Variants in EDEM3 observed in about 807,000 individuals in gnomAD.
EDEM3 encodes ER degradation enhancing alpha-mannosidase like protein 3, also known as ER degradation-enhancing alpha-mannosidase-like protein 3.
EDEM3 carries 60 observed loss-of-function variants against 110.2 expected under a neutral mutation model. That is an observed-to-expected ratio of 0.54 (90% CI 0.44 to 0.67). The LOEUF is 0.67. Ranked by LOEUF, EDEM3 falls within the 30% of genes least tolerant of loss-of-function variation. The pLI, the probability that EDEM3 is intolerant of heterozygous loss-of-function variation, is 0.00. For synonymous variants in EDEM3, 352 were observed against 382.9 expected, an observed-to-expected ratio of 0.92 and a Z score of 0.94; for missense variants, 996 against 1,121.0, an observed-to-expected ratio of 0.89 and a Z score of 1.59.
At chr1:184,748,828 C>T (rs149240232) in intron 2 of EDEM3, among the ~76,000 whole-genome samples, 12 of 152,062 alleles carry the variant, frequency 7.9e-5, no homozygotes, top group Admixed American at 5.2e-4. Context: ...ACATTTTATA[C>T]GTTGTAATCA....
rs1650257798 is a variant in EDEM3 at position 184,711,855 on chromosome 1, T to TCCA, written c.1556_1558dup (p.Leu519_Asp520insVal). 1 of 1,612,454 alleles carries TCCA rather than the reference T, an allele frequency of 6.2e-7. No individual in the cohort carries two copies. Among genetic ancestry groups the TCCA allele is most frequent in the African/African-American group, 1.3e-5 (1 of 74,848 alleles). The stretch of plus-strand genomic sequence containing the variant: ...ACAAGTCCAATCGAAGTTACTGTCA[T>TCCA]CCAGTTCTGTATATTCCGAGGTCTA... On this transcript the variant is annotated inframe_insertion, in exon 15 of 20. Coordinates refer to ENST00000318130, the MANE Select transcript of EDEM3 (RefSeq NM_025191.4).
rs1333075379 is a variant in EDEM3, at chr1:184,706,818, A to G, written c.2038-10T>C. The G allele has an allele frequency of 3.7e-6, 6 of 1,612,090 alleles. No homozygotes were observed. The highest frequency in any genetic ancestry group is 5.1e-6 in the Non-Finnish European group (6 of 1,178,912). ...CAACAAATCCTCTTGTCTGTCAGAAATAAAAGCAACTTAAATACTTTAATC... is the reference window on the plus strand; with the variant it reads ...CAACAAATCCTCTTGTCTGTCAGAAGTAAAAGCAACTTAAATACTTTAATC... On this transcript the variant is annotated splice_polypyrimidine_tract_variant and intron_variant, in intron 17 of 19. Coordinates refer to ENST00000318130, the MANE Select transcript of EDEM3 (RefSeq NM_025191.4).
chr1:184,708,397 T>G (rs1650050584), intron 16 of EDEM3, 53 bp from the exon 17 acceptor site: 2 of 1,591,118 alleles, frequency 1.3e-6, no homozygotes, highest in Non-Finnish European at 1.7e-6. Flanking sequence ...CTTCCACCAA[T>G]TTTTTGATTT....
At chr1:184,715,507 A>G (rs956760216) in intron 13 of EDEM3, among the ~76,000 whole-genome samples, 1 of 152,180 alleles carries the variant, frequency 6.6e-6, no homozygotes, top group African/African-American at 2.4e-5. Flanking sequence ...TGGCTGGCAT[A>G]CAGTAGGTGT....
Position 184,721,321 on chromosome 1 carries a change from C to G in EDEM3, c.919G>C (p.Gly307Arg). The G allele has an allele frequency of 1.2e-6, 2 of 1,605,126 alleles. No individual in the cohort carries two copies. Among genetic ancestry groups the G allele is most frequent in the Non-Finnish European group, 1.7e-6 (2 of 1,176,664 alleles). Residue 307 changes from glycine to arginine, a missense_variant, in exon 9 of 20, where the codon GGA becomes CGA. Physicochemically the swap from Gly to Arg is moderately radical, Grantham distance 125 (BLOSUM62 -2). This residue lies in a region of EDEM3 where 310 missense variants were observed against 394.6 expected (regional missense o/e 0.79). Coordinates refer to ENST00000318130, the MANE Select transcript of EDEM3 (RefSeq NM_025191.4). ...AATCTTTCCAGAAAACTGTCATCTC[C>G]AAGCAAGACATAGGCTTTCAACAGA... ...EYLLKAYVLL[G>R]DDSFLERFNT...
At chr1:184,712,720 A>G (rs1650323254) in intron 13 of EDEM3, 122 bp from the exon 14 acceptor site, 2 of 618,870 alleles carry the variant, frequency 3.2e-6, no homozygotes, top group African/African-American at 1.9e-5. Flanking sequence ...TCAAAGAACT[A>G]TAGAATGTAT....
rs562054749 is a variant in EDEM3, at chr1:184,693,943, G to A, written c.*120C>T. ...CGATAACTACGCCAGTCAGAACGTG[G>A]TTGTTCATCACCATACTTAAAGCCT... is the stretch of plus-strand genomic sequence containing the variant. On this transcript the variant is annotated 3_prime_UTR_variant, in exon 20 of 20. Coordinates refer to ENST00000318130, the MANE Select transcript of EDEM3 (RefSeq NM_025191.4). 9.8e-7 allele frequency: 1 copy of A among 1,019,100 alleles called. No individual in the cohort carries two copies. Among genetic ancestry groups the A allele is most frequent in the Non-Finnish European group, 1.4e-6 (1 of 701,246 alleles). 63.1% of individuals were successfully genotyped at this position (1,019,100 alleles called of 1,614,324 possible).
intron 1 of EDEM3, among the ~76,000 whole-genome samples, chr1:184,752,938 G>A (rs1211626894): frequency 3.9e-5 from 6 of 152,188 alleles, no homozygotes; most frequent in Non-Finnish European, 8.8e-5. Flanking sequence ...TTCACAGAGT[G>A]AGATATTTGG....
Position 184,708,190 on chromosome 1 carries a change from G to C in EDEM3, c.2000C>G (p.Pro667Arg). The C allele has an allele frequency of 1.2e-6, 2 of 1,613,618 alleles. No individual in the cohort carries two copies. Among genetic ancestry groups the C allele is most frequent in the East Asian group, 2.2e-5 (1 of 44,822 alleles). Reference sequence around the variant, plus strand: ...AGACAGATCCAGCCCAAACTGAGCTGGTCCAGCAGTCAATACTACCCTGCC... The same window carrying C: ...AGACAGATCCAGCCCAAACTGAGCTCGTCCAGCAGTCAATACTACCCTGCC... ...FFGRVVLTAGPAQFGLDLSKH... is the reference protein window; with the variant it reads ...FFGRVVLTAGRAQFGLDLSKH... Residue 667 changes from proline (P) to arginine (R), a missense_variant, in exon 17 of 20, where the codon CCA becomes CGA. By Grantham distance (103) the Pro-to-Arg change is moderately radical. Around this residue, in one of 5 missense-constraint regions of EDEM3, gnomAD observed 345 missense variants for 402.0 expected, o/e 0.86. Coordinates refer to ENST00000318130, the MANE Select transcript of EDEM3 (RefSeq NM_025191.4).
chr1:184,748,708 T>C (rs1302336241), intron 2 of EDEM3, among the ~76,000 whole-genome samples: 1 of 152,194 alleles, frequency 6.6e-6, no homozygotes, highest in African/African-American at 2.4e-5. Context: ...ACAATGATGT[T>C]AGTGTATGAA....
chr1:184,734,075 T>G (rs1298059576), intron 5 of EDEM3, among the ~76,000 whole-genome samples: 1 of 152,230 alleles, frequency 6.6e-6, no homozygotes, highest in East Asian at 1.9e-4. Context: ...TGCCACAGAC[T>G]CTGTGTTTCA....
At chr1:184,717,657 T>C (rs770917802) in intron 11 of EDEM3, 34 bp from the exon 12 acceptor site, 2 of 1,526,972 alleles carry the variant, frequency 1.3e-6, no homozygotes, top group African/African-American at 2.8e-5. Context: ...GCATAAAAAA[T>C]GTGATTAAAT....
intron 1 of EDEM3, 81 bp downstream of exon 1, chr1:184,754,408 C>A: frequency 6.3e-7 from 1 of 1,588,134 alleles, no homozygotes; most frequent in South Asian, 1.1e-5. Context: ...GAGGCCACTA[C>A]GCGACCGGGT....
intron 19 of EDEM3, among the ~76,000 whole-genome samples, chr1:184,699,362 G>C (rs1190774921): frequency 6.6e-6 from 1 of 151,820 alleles, no homozygotes; most frequent in Non-Finnish European, 1.5e-5. Context: ...TGTTCTCAAA[G>C]AGGAAAAGGG....
At position 184,737,224 on chromosome 1, in the gene EDEM3, T is replaced by C. The variant is rs559560131; in HGVS notation, c.306-160A>G. ...AAACCTATAAGGCTCTGAAAGAAACTGAAAAGCCTTTACATTTATGTTCAA... is the reference window on the plus strand; with the variant it reads ...AAACCTATAAGGCTCTGAAAGAAACCGAAAAGCCTTTACATTTATGTTCAA... On this transcript the variant is annotated intron_variant, in intron 3 of 19. Coordinates refer to ENST00000318130, the MANE Select transcript of EDEM3 (RefSeq NM_025191.4). 7.9e-5 allele frequency among the ~76,000 whole-genome samples: 12 copies of C among 152,322 alleles called. No homozygotes were observed. The South Asian group carries it at 2.5e-3, about 32-fold the overall frequency.
chr1:184,737,804 T>C, intron 2 of EDEM3, 93 bp from the exon 3 acceptor site: 1 of 1,088,026 alleles, frequency 9.2e-7, no homozygotes, highest in Non-Finnish European at 1.3e-6. Flanking sequence ...AAAAATAAAA[T>C]AATAGTCAAA....
chr1:184,738,828 A>G (rs984281541), intron 2 of EDEM3, among the ~76,000 whole-genome samples: 1 of 152,082 alleles, frequency 6.6e-6, no homozygotes, highest in African/African-American at 2.4e-5. Flanking sequence ...ACTCTCATAC[A>G]TTATGTTTGT....
chr1:184,739,102 A>G (rs1365300542), intron 2 of EDEM3, among the ~76,000 whole-genome samples: 3 of 151,814 alleles, frequency 2.0e-5, no homozygotes, highest in Non-Finnish European at 4.4e-5. Flanking sequence ...CCTTTCCCCA[A>G]TGGCTTGAAA....
At chr1:184,706,846 C>T (rs776842741) in intron 17 of EDEM3, 38 bp from the exon 18 acceptor site, 34 of 1,596,484 alleles carry the variant, frequency 2.1e-5, no homozygotes, top group Non-Finnish European at 2.8e-5. Context: ...CTTTAATCTT[C>T]TCAAATGGCA....
Sources: gnomAD v4.1 joint callset for allele counts (sites outside exome capture counted in the v4.1 genomes callset) on GRCh38, gnomAD v4.1.1 for gene constraint, gnomAD v4.1.1 regional missense constraint, MANE v1.5 for transcripts, NCBI Gene and HGNC (gene_info 2026-07-23, HGNC 2026-07-21) for gene names.